PDK4: variants seen among roughly 807,000 people sequenced by gnomAD.
The protein encoded by PDK4 is pyruvate dehydrogenase kinase, isozyme 4.
A neutral mutation model predicts 51.7 loss-of-function variants in PDK4; 43 were observed. The ratio of observed to expected loss-of-function variants is 0.83; its 90% CI spans 0.65 to 1.07. The LOEUF (loss-of-function observed/expected upper bound fraction) is 1.07. Among genes scored for constraint, PDK4 ranks in the 50% least tolerant of loss-of-function variants. The pLI, the probability that PDK4 is intolerant of heterozygous loss-of-function variation, is 0.00. For missense variants in PDK4, 498 were observed against 503.5 expected, an observed-to-expected ratio of 0.99 and a Z score of 0.10; for synonymous variants, 170 against 176.6, an observed-to-expected ratio of 0.96 and a Z score of 0.30.
Position 95,587,471 on chromosome 7 carries a change from T to G in PDK4, c.928A>C (p.Thr310Pro). Residue 310 changes from threonine (T) to proline (P), a missense_variant, in exon 9 of 11, where the codon ACA becomes CCA. Transcript: ENST00000005178. ...LRIIDRLFSY[T>P]YSTAPTPVMD... ...ACAGGCGTTGGTGCAGTGGAGTATG[T>G]ATAACTAAAGAGGCGGTCAATAATT... 8.1e-6 allele frequency: 13 copies of G among 1,612,294 alleles called. No homozygotes were observed. Among genetic ancestry groups the G allele is most frequent in the Non-Finnish European group, 1.0e-5 (12 of 1,178,290 alleles).
rs1791499394 is a variant in PDK4, at chr7:95,587,462, T to C, written c.937A>G (p.Thr313Ala). ...TTATCCATCACAGGCGTTGGTGCAG[T>C]GGAGTATGTATAACTAAAGAGGCGG... ...IDRLFSYTYS[T>A]APTPVMDNSR... The change falls in exon 9 of 11, where the codon ACT becomes GCT. Residue 313 changes from threonine to alanine, a missense_variant. Thr to Ala is a moderately conservative substitution (Grantham distance 58). Coordinates refer to ENST00000005178, the MANE Select transcript of PDK4 (RefSeq NM_002612.4). The C allele has an allele frequency of 6.2e-7, 1 of 1,611,452 alleles. No homozygotes were observed. The highest frequency in any genetic ancestry group is 8.5e-7 in the Non-Finnish European group (1 of 1,177,536).
chr7:95,587,553 A>G, intron 8 of PDK4, 25 bp from the exon 9 acceptor site: 2 of 1,433,174 alleles, frequency 1.4e-6, no homozygotes, highest in Non-Finnish European at 2.0e-6. Context: ...CAAGTCATCA[A>G]AGCCACACAT....
At position 95,592,039 on chromosome 7, in the gene PDK4, A is replaced by T. The variant is rs749173253; in HGVS notation, c.643T>A (p.Cys215Ser). ...GGAGATGATAAATAATACTGATCAC[A>T]GAGCATCCTTGAACACTCAAAGGCA... ...QDAFECSRML[C>S]DQYYLSSPEL... Residue 215 changes from cysteine to serine, a missense_variant, in exon 6 of 11, where the codon TGT (cysteine) becomes AGT (serine). Physicochemically the swap from Cys to Ser is moderately radical, Grantham distance 112. Coordinates refer to ENST00000005178, the MANE Select transcript of PDK4 (RefSeq NM_002612.4). 20 of 1,587,988 alleles carry T rather than the reference A, an allele frequency of 1.3e-5. No individual in the cohort carries two copies. In the South Asian group the frequency reaches 1.3e-4, roughly 10 times the overall value.
rs977924746 is a variant in PDK4 at position 95,584,090 on chromosome 7, A to G, written c.*1551T>C. On this transcript the variant is annotated 3_prime_UTR_variant, in exon 11 of 11. Transcript: ENST00000005178. ...AACCATACTGATTATTTTACAATGC[A>G]GAAAAATCCTCCTTTTTTTCTATAT... 6 of 152,204 alleles carry G rather than the reference A, an allele frequency of 3.9e-5. No homozygotes were observed. The highest frequency in any genetic ancestry group is 1.4e-4 in the African/African-American group (6 of 41,460). 9.4% of individuals were successfully genotyped at this position (152,204 alleles called of 1,614,324 possible).
At chr7:95,591,464 C>T (rs1791551643) in intron 6 of PDK4, among the ~76,000 whole-genome samples, 1 of 152,160 alleles carries the variant, frequency 6.6e-6, no homozygotes, top group Admixed American at 6.5e-5. Flanking sequence ...GATAGCAACT[C>T]CCCATTTTCC....
At position 95,584,128 on chromosome 7, in the gene PDK4, G is replaced by A. The variant is rs1308178317; in HGVS notation, c.*1513C>T. On this transcript the variant is annotated 3_prime_UTR_variant, in exon 11 of 11. Transcript: ENST00000005178. ...TTTTTTTCTATATGCCAGTTTAAAT[G>A]TTAATTGACACGGGTAAGTTTATTA... The A allele has an allele frequency of 6.6e-6, 1 of 152,088 alleles. No individual in the cohort carries two copies. Among genetic ancestry groups the A allele is most frequent in the Admixed American group, 6.5e-5 (1 of 15,270 alleles). The allele number at this position is 152,088 out of a possible 1,614,324, so 9.4% of individuals were successfully genotyped here. A position where few individuals can be genotyped will look rare whatever the true frequency, so the allele number is the denominator to read the frequency against.
rs1791472664 is a variant in PDK4, at chr7:95,585,690, C to T, written c.1187G>A (p.Cys396Tyr). 3 of 1,612,164 alleles carry T rather than the reference C, an allele frequency of 1.9e-6. No individual in the cohort carries two copies. Among genetic ancestry groups the T allele is most frequent in the South Asian group, 1.1e-5 (1 of 90,850 alleles). Residue 396 changes from cysteine (C) to tyrosine (Y), a missense_variant, in exon 11 of 11, where the codon TGT becomes TAT. Cys to Tyr is a radical substitution (Grantham distance 194). Coordinates refer to ENST00000005178, the MANE Select transcript of PDK4 (RefSeq NM_002612.4). ...GTTCTTTGGTTCCCTGCTTGGGATA[C>T]ACCAGTCATCAGCCTCAGAGCTCAT... ...YQMSSEADDW[C>Y]IPSREPKNLA... is the part of the protein sequence containing the mutation.
rs889892634 is a variant in PDK4, at chr7:95,583,794, A to G, written c.*1847T>C. 6.6e-6 allele frequency: 1 copy of G among 152,402 alleles called. No individual in the cohort carries two copies. 9.4% of individuals were successfully genotyped at this position (152,402 alleles called of 1,614,324 possible). A position where few individuals can be genotyped will look rare whatever the true frequency, so the allele number is the denominator to read the frequency against. On this transcript the variant is annotated 3_prime_UTR_variant, in exon 11 of 11. Coordinates refer to ENST00000005178, the MANE Select transcript of PDK4 (RefSeq NM_002612.4). ...TTAATTAATTAATCAACTGATTTAA[A>G]TCTTTGGTAAATACAAGTATTTACA... is the stretch of plus-strand genomic sequence containing the variant.
Position 95,596,361 on chromosome 7 carries a change from C to A in PDK4, c.-68G>T, listed in dbSNP as rs538445627. Reference sequence around the variant, plus strand: ...GGGGCGAAGGCTGCTCGGAGCAGAGCCTGGTTCCGAGGGGGCGCGGCGCGT... The same window carrying A: ...GGGGCGAAGGCTGCTCGGAGCAGAGACTGGTTCCGAGGGGGCGCGGCGCGT... On this transcript the variant is annotated 5_prime_UTR_variant, in exon 1 of 11. Coordinates refer to ENST00000005178, the MANE Select transcript of PDK4 (RefSeq NM_002612.4). The A allele has an allele frequency of 5.4e-6, 8 of 1,468,326 alleles. No individual in the cohort carries two copies. The African/African-American group carries it at 1.0e-4, about 19-fold the overall frequency. The allele number at this position is 1,468,326 out of a possible 1,614,324, so 91.0% of individuals were successfully genotyped here.
chr7:95,587,583 T>C, intron 8 of PDK4, 55 bp from the exon 9 acceptor site: 1 of 1,304,692 alleles, frequency 7.7e-7, no homozygotes, highest in Non-Finnish European at 1.1e-6. Flanking sequence ...TGTGCATTTG[T>C]CTAAATAAAA....
At chr7:95,587,176 C>A (rs1791494195) in intron 9 of PDK4, 53 bp from the exon 10 acceptor site, 1 of 1,073,892 alleles carries the variant, frequency 9.3e-7, no homozygotes, top group East Asian at 2.4e-5. Flanking sequence ...CACTGAAATA[C>A]AAACAAGCAG....
At chr7:95,589,836 T>G in intron 6 of PDK4, 120 bp from the exon 7 acceptor site, 2 of 627,656 alleles carry the variant, frequency 3.2e-6, no homozygotes, top group Non-Finnish European at 5.8e-6. Flanking sequence ...ACCTTCCCCA[T>G]CCCCAAATCC....
rs766002928 is a variant in PDK4 at position 95,592,486 on chromosome 7, G to T, written c.616+25C>A. On this transcript the variant is annotated intron_variant, in intron 5 of 10. Coordinates refer to ENST00000005178, the MANE Select transcript of PDK4 (RefSeq NM_002612.4). ...TCATATATTGTACATTTTCAATAAG[G>T]GAAGTGCAGAAATACAGAACATACC... The T allele has an allele frequency of 3.9e-6, 5 of 1,283,480 alleles. No homozygotes were observed. The African/African-American group carries it at 7.3e-5, about 19-fold the overall frequency. The allele number at this position is 1,283,480 out of a possible 1,614,324, so 79.5% of individuals were successfully genotyped here.
In PDK4 at chr7:95,585,436, C is replaced by T. The variant is rs1386735512; in HGVS notation, c.*205G>A. 5.0e-6 allele frequency: 2 copies of T among 401,112 alleles called. No individual in the cohort carries two copies. Among genetic ancestry groups the T allele is most frequent in the Non-Finnish European group, 8.9e-6 (2 of 225,612 alleles). The allele number at this position is 401,112 out of a possible 1,614,324, so 24.8% of individuals were successfully genotyped here. The stretch of plus-strand genomic sequence containing the variant: ...TCTACATTAAAAAATAAGGAGCTGG[C>T]CATCTGTTAACTCCTGTAGTCTTGC... On this transcript the variant is annotated 3_prime_UTR_variant, in exon 11 of 11. Coordinates refer to ENST00000005178, the MANE Select transcript of PDK4 (RefSeq NM_002612.4).
intron 6 of PDK4, among the ~76,000 whole-genome samples, chr7:95,591,021 T>C (rs1791546663): frequency 1.3e-5 from 2 of 152,292 alleles, no homozygotes; most frequent in South Asian, 4.2e-4. Context: ...CACTGCAGCC[T>C]TGACTTCCTG....
rs1197155595 is a variant in PDK4, at chr7:95,596,303, C to T, written c.-10G>A. 9 of 1,565,850 alleles carry T rather than the reference C, an allele frequency of 5.7e-6. No homozygotes were observed. The highest frequency in any genetic ancestry group is 7.8e-6 in the Non-Finnish European group (9 of 1,156,760). Reference sequence around the variant, plus strand: ...AGCGGGCCGCCTTCATCTTGACGCCCACCCGGCCTGGCGGGGACTGTGGCT... The same window carrying T: ...AGCGGGCCGCCTTCATCTTGACGCCTACCCGGCCTGGCGGGGACTGTGGCT... On this transcript the variant is annotated 5_prime_UTR_variant, in exon 1 of 11. Coordinates refer to ENST00000005178, the MANE Select transcript of PDK4 (RefSeq NM_002612.4).
Position 95,589,637 on chromosome 7 carries a change from T to C in PDK4, c.771+3A>G, listed in dbSNP as rs1379939137. The stretch of plus-strand genomic sequence containing the variant: ...AAATTTCAATTATTGTGAAGTATCA[T>C]ACCTTAAATAGTTCAAAGAGCATAT... On this transcript the variant is annotated splice_donor_region_variant and intron_variant, in intron 7 of 10. Coordinates refer to ENST00000005178, the MANE Select transcript of PDK4 (RefSeq NM_002612.4). 2 of 1,437,346 alleles carry C rather than the reference T, an allele frequency of 1.4e-6. No individual in the cohort carries two copies. Among genetic ancestry groups the C allele is most frequent in the Non-Finnish European group, 9.7e-7 (1 of 1,025,922 alleles). 89.0% of individuals were successfully genotyped at this position (1,437,346 alleles called of 1,614,324 possible). A position where few individuals can be genotyped will look rare whatever the true frequency, so the allele number is the denominator to read the frequency against.
chr7:95,596,037 CCAGGGCT>C, intron 1 of PDK4, 120 bp downstream of exon 1: 1 of 1,078,962 alleles, frequency 9.3e-7, no homozygotes, highest in Non-Finnish European at 1.3e-6. Flanking sequence ...CGTCGAGGCT[CCAGGGCT>C]CAGCAGCAAA....
intron 7 of PDK4, 59 bp from the exon 8 acceptor site, chr7:95,587,884 T>C: frequency 9.7e-7 from 1 of 1,031,728 alleles, no homozygotes; most frequent in Non-Finnish European, 1.5e-6. Flanking sequence ...CAATAAATGT[T>C]TTTTTTTTTA....
Sources: allele counts gnomAD v4.1 joint callset (sites outside exome capture counted in the v4.1 genomes callset), GRCh38; gene constraint gnomAD v4.1.1; transcripts MANE v1.5; gene names NCBI Gene and HGNC (gene_info 2026-07-23, HGNC 2026-07-21).